The following NR2C2 variants were observed in gnomAD, a reference collection of about 807,000 sequenced individuals.
The protein encoded by NR2C2 is nuclear receptor subfamily 2 group C member 2.
In NR2C2, 6 loss-of-function variants were observed where a neutral mutation model predicts 62.9. The observed-to-expected ratio is 0.10, with a 90% confidence interval of 0.05 to 0.19. The LOEUF (loss-of-function observed/expected upper bound fraction) is 0.19, where lower values mean the gene tolerates loss of function less well. Among genes scored for constraint, NR2C2 ranks in the 10% least tolerant of loss-of-function variants. NR2C2 has a pLI of 1.00. For missense variants in NR2C2, 479 were observed against 762.7 expected, an observed-to-expected ratio of 0.63 and a Z score of 4.38; for synonymous variants, 272 against 273.8, an observed-to-expected ratio of 0.99 and a Z score of 0.07.
intron 1 of NR2C2, among the ~76,000 whole-genome samples, chr3:14,970,461 G>A (rs1316039339): frequency 3.3e-5 from 5 of 151,924 alleles, no homozygotes; most frequent in Non-Finnish European, 5.9e-5. Context: ...ACTGAAACTC[G>A]GTATCCATGT....
At chr3:14,966,327 A>G (rs2039856318) in intron 1 of NR2C2, among the ~76,000 whole-genome samples, 1 of 152,028 alleles carries the variant, frequency 6.6e-6, no homozygotes, top group South Asian at 2.1e-4. Flanking sequence ...CTAGTTGAAT[A>G]GGAAAGATAG....
intron 1 of NR2C2, among the ~76,000 whole-genome samples, chr3:14,991,058 C>G (rs1182186163): frequency 6.6e-6 from 1 of 152,080 alleles, no homozygotes; most frequent in African/African-American, 2.4e-5. Flanking sequence ...TGGTTGTTGA[C>G]TTGGGATTTT....
chr3:14,960,452 A>G (rs1319453351), intron 1 of NR2C2, among the ~76,000 whole-genome samples: 2 of 152,208 alleles, frequency 1.3e-5, no homozygotes, highest in Admixed American at 1.3e-4. Flanking sequence ...GAATTATTAC[A>G]GAAATAATTC....
At chr3:14,992,800 G>T (rs1458943209) in intron 1 of NR2C2, among the ~76,000 whole-genome samples, 3 of 152,232 alleles carry the variant, frequency 2.0e-5, no homozygotes, top group African/African-American at 7.2e-5. Flanking sequence ...ACCAAGCCTT[G>T]GAAGGCCTGT....
chr3:14,976,730 T>C (rs2040218357), intron 1 of NR2C2, among the ~76,000 whole-genome samples: 1 of 151,852 alleles, frequency 6.6e-6, no homozygotes, highest in Admixed American at 6.6e-5. Context: ...CATGGCTAAT[T>C]GATAGTTTGA....
At position 15,042,915 on chromosome 3, in the gene NR2C2, C is replaced by A. The variant is rs143937107; in HGVS notation, c.1698C>A (p.Leu566=). Residue 566 remains leucine, a synonymous_variant, in exon 14 of 14, where the codon CTC becomes CTA. Transcript: ENST00000425241. The stretch of plus-strand genomic sequence containing the variant: ...CAGAAGAACTTTTTTTTACTGGTCT[C>A]ATTGGCAATGTTTCGATAGACAGCA... The part of the protein sequence containing the change: ...NITEELFFTG[L]IGNVSIDSII... 1 of 1,614,168 alleles carries A rather than the reference C, an allele frequency of 6.2e-7. No homozygotes were observed. Among genetic ancestry groups the A allele is most frequent in the Non-Finnish European group, 8.5e-7 (1 of 1,180,002 alleles).
In NR2C2 at chr3:15,044,581, TG is replaced by T. The variant is rs1453047952; in HGVS notation, c.*1574del. ...AGACCCGGTCAATTGCTTTGTCTTTTGCTTTTTAAATAGTCCAGATTAAGAA... is the reference window on the plus strand; with the variant it reads ...AGACCCGGTCAATTGCTTTGTCTTTTCTTTTTAAATAGTCCAGATTAAGAA... On this transcript the variant is annotated 3_prime_UTR_variant, in exon 14 of 14. Transcript: ENST00000425241. The T allele has an allele frequency of 6.6e-6, 1 of 152,258 alleles. No individual in the cohort carries two copies. Among genetic ancestry groups the T allele is most frequent in the Non-Finnish European group, 1.5e-5 (1 of 68,046 alleles). The allele number at this position is 152,258 out of a possible 1,614,324, so 9.4% of individuals were successfully genotyped here.
intron 1 of NR2C2, among the ~76,000 whole-genome samples, chr3:14,984,128 TC>T (rs761755091): frequency 1.3e-3 from 202 of 152,302 alleles, no homozygotes; most frequent in Non-Finnish European, 2.5e-3. Context: ...CCTCAGGTGA[TC>T]CACCTGCCTC....
At chr3:14,985,951 TC>T (rs1389326557) in intron 1 of NR2C2, among the ~76,000 whole-genome samples, 4 of 152,102 alleles carry the variant, frequency 2.6e-5, no homozygotes, top group African/African-American at 9.7e-5. Context: ...TTCTTTTTTT[TC>T]CCAACAGTTT....
At chr3:15,005,427 G>A (rs1360135704) in intron 2 of NR2C2, among the ~76,000 whole-genome samples, 8 of 145,114 alleles carry the variant, frequency 5.5e-5, no homozygotes, top group Admixed American at 5.0e-4. Context: ...ATGTTGCCAA[G>A]GTGGGTCTCA....
At chr3:14,999,645 C>G (rs865977056) in intron 1 of NR2C2, among the ~76,000 whole-genome samples, 1 of 151,634 alleles carries the variant, frequency 6.6e-6, no homozygotes, top group African/African-American at 2.4e-5. Flanking sequence ...TTAACTCTTA[C>G]ATTTAGATCT....
At chr3:14,953,946 A>G (rs983238294) in intron 1 of NR2C2, among the ~76,000 whole-genome samples, 1 of 151,866 alleles carries the variant, frequency 6.6e-6, no homozygotes, top group African/African-American at 2.4e-5. Context: ...GAAGTTACAC[A>G]ATACTAGCGG....
intron 1 of NR2C2, among the ~76,000 whole-genome samples, chr3:14,987,582 C>T (rs2040546099): frequency 6.6e-6 from 1 of 151,868 alleles, no homozygotes; most frequent in Admixed American, 6.6e-5. Context: ...TAGTCATTTC[C>T]ACCTCTACCT....
At chr3:15,038,917 C>G in intron 12 of NR2C2, 3 of 566,166 alleles carry the variant, frequency 5.3e-6, no homozygotes, top group Non-Finnish European at 9.5e-6. Context: ...CTCAGGGTCC[C>G]CGACCCGCTC....
At chr3:14,968,376 A>G (rs1200718386) in intron 1 of NR2C2, among the ~76,000 whole-genome samples, 3 of 152,328 alleles carry the variant, frequency 2.0e-5, no homozygotes, top group South Asian at 2.1e-4. Context: ...CAAAAAACAC[A>G]TGAAAAAATG....
intron 1 of NR2C2, among the ~76,000 whole-genome samples, chr3:14,950,299 T>C (rs1192557674): frequency 2.6e-5 from 4 of 152,310 alleles, no homozygotes; most frequent in Non-Finnish European, 5.9e-5. Context: ...AACTAAATAG[T>C]ACTAACCAAA....
chr3:15,021,766 A>C (rs540127221), intron 5 of NR2C2, among the ~76,000 whole-genome samples: 1 of 152,254 alleles, frequency 6.6e-6, no homozygotes, highest in Admixed American at 6.5e-5. Flanking sequence ...CATCTTTTGC[A>C]TAGTTTTCTA....
At chr3:15,020,727 T>C in intron 4 of NR2C2, 26 bp from the exon 5 acceptor site, 1 of 1,610,404 alleles carries the variant, frequency 6.2e-7, no homozygotes, top group Non-Finnish European at 8.5e-7. Context: ...TCACAAAATA[T>C]TTGTGTATTC....
chr3:15,024,135 C>G lies in NR2C2; in HGVS notation c.725C>G (p.Pro242Arg). The G allele has an allele frequency of 6.2e-7, 1 of 1,612,542 alleles. No homozygotes were observed. ...DGARQTGLLDPGMLVNIQQPL... is the reference protein window; with the variant it reads ...DGARQTGLLDRGMLVNIQQPL... ...AATAGACAAACAGGTCTTCTTGATCCAGGGATGCTTGTGAACATCCAGCAG... is the reference window on the plus strand; with the variant it reads ...AATAGACAAACAGGTCTTCTTGATCGAGGGATGCTTGTGAACATCCAGCAG... Residue 242 changes from proline to arginine, a missense_variant, in exon 7 of 14, where the codon CCA becomes CGA. Physicochemically the swap from Pro to Arg is moderately radical, Grantham distance 103. Coordinates refer to ENST00000425241, the MANE Select transcript of NR2C2 (RefSeq NM_001291694.2).
Sources: gnomAD v4.1 joint callset for allele counts (sites outside exome capture counted in the v4.1 genomes callset) on GRCh38, gnomAD v4.1.1 for gene constraint, MANE v1.5 for transcripts, NCBI Gene and HGNC (gene_info 2026-07-23, HGNC 2026-07-21) for gene names.